The following DHRS2 variants were observed in gnomAD, a reference collection of about 807,000 sequenced individuals.
DHRS2 encodes dehydrogenase/reductase 2.
A neutral mutation model predicts 26.3 loss-of-function variants in DHRS2; 29 were observed. The ratio of observed to expected loss-of-function variants is 1.10; its 90% CI spans 0.82 to 1.50. The LOEUF (loss-of-function observed/expected upper bound fraction) is 1.50, where lower values mean the gene tolerates loss of function less well. DHRS2 is among the 40% of genes most tolerant of loss of function. DHRS2 has a pLI of 0.00. For missense variants in DHRS2, 439 were observed against 367.1 expected, an observed-to-expected ratio of 1.20 and a Z score of -1.60; for synonymous variants, 164 against 151.3, an observed-to-expected ratio of 1.08 and a Z score of -0.62.
At chr14:23,636,924 T>G (rs1203917065) in intron 1 of DHRS2, among the ~76,000 whole-genome samples, 152 bp downstream of exon 1, 1 of 152,152 alleles carries the variant, frequency 6.6e-6, no homozygotes, top group East Asian at 1.9e-4. Flanking sequence ...GGGAAAGGGA[T>G]CTCTAACAAC....
At chr14:23,631,548 A>AC (rs199914931), upstream of DHRS2, among the ~76,000 whole-genome samples, 7,795 of 147,144 alleles carry the variant, frequency 0.053, 607 homozygotes, top group African/African-American at 0.17. Context: ...TTCTTCCTCT[A>AC]CCCCCCCCAC....
chr14:23,638,584 T>G (rs1281044486), intron 1 of DHRS2: 1 of 373,522 alleles, frequency 2.7e-6, no homozygotes, highest in Non-Finnish European at 4.9e-6. Context: ...AAAATCACCC[T>G]TGTCTAATGA....
At chr14:23,640,637 CT>C (rs1369071693) in intron 4 of DHRS2, 1 of 175,510 alleles carries the variant, frequency 5.7e-6, no homozygotes, top group Non-Finnish European at 1.1e-5. Context: ...CCACTCTGCC[CT>C]AAGCACTGGG....
chr14:23,632,081 AG>A (rs1342542751), upstream of DHRS2, among the ~76,000 whole-genome samples: 1 of 152,230 alleles, frequency 6.6e-6, no homozygotes. Context: ...TTGCTGAGCT[AG>A]GAACACATCT....
In DHRS2 at chr14:23,645,343, T is replaced by C; in HGVS notation, c.*90T>C. ...ATCATTTGGATCTGGAGGCAGAGTC[T>C]GCCATTCTGCCAGACTAGCAATTTG... On this transcript the variant is annotated 3_prime_UTR_variant, in exon 9 of 9. Transcript: ENST00000250383. 6.2e-7 allele frequency: 1 copy of C among 1,600,536 alleles called. No individual in the cohort carries two copies. The highest frequency in any genetic ancestry group is 1.1e-5 in the South Asian group (1 of 90,808).
chr14:23,635,989 G>T (rs1594235973), upstream of DHRS2, among the ~76,000 whole-genome samples: 1 of 152,240 alleles, frequency 6.6e-6, no homozygotes, highest in South Asian at 2.1e-4. Flanking sequence ...TGGGCTTCTG[G>T]GTCCGGTGGG....
intron 4 of DHRS2, chr14:23,640,271 G>T (rs1890587102): frequency 1.0e-6 from 1 of 989,166 alleles, no homozygotes; most frequent in Non-Finnish European, 1.2e-6. Context: ...ACACCCTTTT[G>T]TAGGGGAAGA....
intron 4 of DHRS2, 34 bp downstream of exon 4, chr14:23,639,929 C>A: frequency 2.0e-6 from 3 of 1,519,594 alleles, no homozygotes; most frequent in South Asian, 2.6e-5. Flanking sequence ...CGGCTGAGGG[C>A]CCGATTCCAG....
upstream of DHRS2, among the ~76,000 whole-genome samples, chr14:23,634,901 CT>C (rs1460179015): frequency 4.6e-5 from 7 of 152,156 alleles, no homozygotes; most frequent in Admixed American, 3.3e-4. Context: ...TCCCCCTTTG[CT>C]CTCACTTCCT....
intron 3 of DHRS2, 121 bp downstream of exon 3, chr14:23,639,477 C>T: frequency 7.4e-7 from 1 of 1,349,342 alleles, no homozygotes; most frequent in Non-Finnish European, 9.8e-7. Flanking sequence ...ACCCAGGCTG[C>T]CCAAGCTAAC....
chr14:23,641,825 G>A lies in DHRS2; in HGVS notation c.421-1327G>A, dbSNP rs1890684431. The A allele has an allele frequency of 3.2e-5, 40 of 1,262,068 alleles. No homozygotes were observed. The South Asian group carries it at 5.0e-4, about 16-fold the overall frequency. The allele number at this position is 1,262,068 out of a possible 1,614,324, so 78.2% of individuals were successfully genotyped here. A position where few individuals can be genotyped will look rare whatever the true frequency, so the allele number is the denominator to read the frequency against. ...CAAGGGATTGAGTGGGAGTGAGATT[G>A]GGGGGTGGAAAAAACAGTGAACAGT... On this transcript the variant is annotated intron_variant, in intron 4 of 8. Transcript: ENST00000250383.
At chr14:23,643,129 C>A (rs567578127) in intron 4 of DHRS2, 23 bp from the exon 5 acceptor site, 4 of 1,613,558 alleles carry the variant, frequency 2.5e-6, no homozygotes, top group South Asian at 1.1e-5. Context: ...TCTGCCCTCA[C>A]CCATGCTCTG....
chr14:23,639,414 A>G, intron 3 of DHRS2, 58 bp downstream of exon 3: 1 of 1,500,046 alleles, frequency 6.7e-7, no homozygotes. Flanking sequence ...CCTTTCCTTC[A>G]CTGCTTGGCC....
rs201834268 is a variant in DHRS2 at position 23,639,920 on chromosome 14, G to A, written c.420+25G>A. The A allele has an allele frequency of 1.3e-4, 193 of 1,535,596 alleles. 1 individual carries two copies. The highest frequency in any genetic ancestry group is 8.0e-4 in the African/African-American group (57 of 71,338). On this transcript the variant is annotated intron_variant, in intron 4 of 8. Transcript: ENST00000250383. ...GGTGAGAGGCCTCCCCTGGGGAGGC[G>A]GCTGAGGGCCCGATTCCAGCTCTGC...
rs765732979 is a variant in DHRS2 at position 23,644,466 on chromosome 14, G to C, written c.598G>C (p.Ala200Pro). The part of the protein sequence containing the change: ...TALLGLTRTL[A>P]LELAPKDIRV... ...GCTGCTGGGTCTCACTAGAACACTG[G>C]CATTGGAGCTGGCCCCCAAGGACAT... is the stretch of plus-strand genomic sequence containing the variant. Residue 200 changes from alanine to proline, a missense_variant, in exon 7 of 9, where the codon GCA becomes CCA. Coordinates refer to ENST00000250383, the MANE Select transcript of DHRS2 (RefSeq NM_005794.4). 6.2e-7 allele frequency: 1 copy of C among 1,614,200 alleles called. No individual in the cohort carries two copies. Among genetic ancestry groups the C allele is most frequent in the Admixed American group, 1.7e-5 (1 of 60,026 alleles).
intron 5 of DHRS2, chr14:23,643,637 C>T (rs989901094): frequency 3.7e-6 from 1 of 268,034 alleles, no homozygotes; most frequent in Non-Finnish European, 7.2e-6. Context: ...AGGGACCCTG[C>T]CTGTGTTCCA....
Position 23,639,194 on chromosome 14 carries a change from C to G in DHRS2, c.156C>G (p.Ile52Met), listed in dbSNP as rs138205531. ...CTGCATTCAGGATCGGCTTTGCCAT[C>G]GCCCGACGTCTGGCCCGGGACGGGG... ...TGSTSGIGFA[I>M]ARRLARDGAH... is the part of the protein sequence containing the mutation. Residue 52 changes from isoleucine to methionine, a missense_variant, in exon 3 of 9, where the codon ATC becomes ATG. Physicochemically the swap from Ile to Met is conservative, Grantham distance 10. Coordinates refer to ENST00000250383, the MANE Select transcript of DHRS2 (RefSeq NM_005794.4). 3 of 1,613,550 alleles carry G rather than the reference C, an allele frequency of 1.9e-6. No homozygotes were observed. Among genetic ancestry groups the G allele is most frequent in the Non-Finnish European group, 2.5e-6 (3 of 1,179,874 alleles).
chr14:23,645,342 C>T lies in DHRS2; in HGVS notation c.*89C>T, dbSNP rs754139843. 6.2e-7 allele frequency: 1 copy of T among 1,600,546 alleles called. No individual in the cohort carries two copies. ...GATCATTTGGATCTGGAGGCAGAGT[C>T]TGCCATTCTGCCAGACTAGCAATTT... On this transcript the variant is annotated 3_prime_UTR_variant, in exon 9 of 9. Transcript: ENST00000250383.
At chr14:23,641,861 T>G (rs959870724) in intron 4 of DHRS2, 6 of 1,232,000 alleles carry the variant, frequency 4.9e-6, no homozygotes, top group Non-Finnish European at 6.2e-6. Flanking sequence ...CCTGGTGAGT[T>G]GCAGATGTGG....
Sources: gnomAD v4.1 joint callset for allele counts (sites outside exome capture counted in the v4.1 genomes callset) on GRCh38, gnomAD v4.1.1 for gene constraint, MANE v1.5 for transcripts, NCBI Gene and HGNC (gene_info 2026-07-23, HGNC 2026-07-21) for gene names.